The following CFAP161 variants were observed in gnomAD, a reference collection of about 807,000 sequenced individuals.
CFAP161 encodes the protein cilia- and flagella-associated protein 161.
A neutral mutation model predicts 29.0 loss-of-function variants in CFAP161; 25 were observed. The observed-to-expected ratio is 0.86, with a 90% CI of 0.63 to 1.20. The LOEUF is 1.20. Among genes scored for constraint, CFAP161 ranks in the 50% most tolerant of loss-of-function variants. The pLI, the probability that CFAP161 is intolerant of heterozygous loss-of-function variation, is 0.00. For synonymous variants in CFAP161, 116 were observed against 137.4 expected, an observed-to-expected ratio of 0.84 and a Z score of 1.09; for missense variants, 367 against 371.9, an observed-to-expected ratio of 0.99 and a Z score of 0.11.
chr15:81,132,617 A>G (rs376310546), upstream of CFAP161, among the ~76,000 whole-genome samples: 5 of 152,354 alleles, frequency 3.3e-5, no homozygotes, highest in Middle Eastern at 6.8e-3. Context: ...GAAATGTAAT[A>G]TACTTGTCAA....
chr15:81,107,858 A>G (rs1894392623), intron 1 of CFAP161, among the ~76,000 whole-genome samples: 1 of 152,340 alleles, frequency 6.6e-6, no homozygotes, highest in South Asian at 2.1e-4. Context: ...CACAAATGCT[A>G]TGAACACATG....
intron 1 of CFAP161, among the ~76,000 whole-genome samples, chr15:81,125,728 C>T (rs1369039849): frequency 6.6e-6 from 1 of 152,134 alleles, no homozygotes; most frequent in Non-Finnish European, 1.5e-5. Flanking sequence ...ACTATGTAAA[C>T]ACAGCATACA....
chr15:81,109,473 A>G (rs1894414470), intron 1 of CFAP161, among the ~76,000 whole-genome samples: 1 of 152,180 alleles, frequency 6.6e-6, no homozygotes, highest in South Asian at 2.1e-4. Context: ...AGTTTGTTCA[A>G]CTTTGCTTTT....
At chr15:81,128,200 T>C (rs1172802768) in intron 2 of CFAP161, among the ~76,000 whole-genome samples, 1 of 152,238 alleles carries the variant, frequency 6.6e-6, no homozygotes, top group Non-Finnish European at 1.5e-5. Flanking sequence ...GTCAGAATTA[T>C]CTTAACATTA....
At chr15:81,134,488 C>A in intron 1 of CFAP161, 90 bp downstream of exon 1, 2 of 1,279,084 alleles carry the variant, frequency 1.6e-6, no homozygotes, top group Non-Finnish European at 2.2e-6. Context: ...GCGCCTCAAG[C>A]CTCCTCTCTC....
chr15:81,122,357 AC>A (rs1894584632), intron 1 of CFAP161, among the ~76,000 whole-genome samples: 2 of 152,230 alleles, frequency 1.3e-5, no homozygotes, highest in East Asian at 3.9e-4. Context: ...CTTTTTCTCT[AC>A]AACCTCACCA....
intron 1 of CFAP161, among the ~76,000 whole-genome samples, chr15:81,112,690 A>T (rs1209861723): frequency 6.6e-6 from 1 of 152,150 alleles, no homozygotes; most frequent in African/African-American, 2.4e-5. Flanking sequence ...ACAAGTGCTT[A>T]TTACATTATT....
chr15:81,148,132 GA>G (rs1895041619), intron 6 of CFAP161, among the ~76,000 whole-genome samples: 1 of 152,220 alleles, frequency 6.6e-6, no homozygotes, highest in Non-Finnish European at 1.5e-5. Flanking sequence ...CCTACAAGAG[GA>G]CTTTGGTTCT....
At chr15:81,107,115 CAT>C (rs1894382168) in intron 1 of CFAP161, among the ~76,000 whole-genome samples, 2 of 152,292 alleles carry the variant, frequency 1.3e-5, no homozygotes, top group South Asian at 2.1e-4. Context: ...AACCTGCAAA[CAT>C]CTGCTGAATG....
intron 1 of CFAP161, among the ~76,000 whole-genome samples, chr15:81,103,855 G>C (rs560427842): frequency 2.2e-4 from 34 of 152,290 alleles, no homozygotes; most frequent in African/African-American, 7.7e-4. Context: ...ACTATCTCCG[G>C]ATAAATAGTG....
chr15:81,128,911 G>A (rs1354707930), intron 2 of CFAP161, among the ~76,000 whole-genome samples: 6 of 149,630 alleles, frequency 4.0e-5, no homozygotes, highest in South Asian at 4.3e-4. Flanking sequence ...CCAAGATCAC[G>A]CCACTGCACT....
intron 4 of CFAP161, among the ~76,000 whole-genome samples, chr15:81,139,828 C>G (rs527817311): frequency 3.7e-4 from 57 of 152,188 alleles, no homozygotes; most frequent in Non-Finnish European, 5.3e-4. Context: ...ATAAAGAGTT[C>G]TTTTTGTAAT....
intron 1 of CFAP161, among the ~76,000 whole-genome samples, chr15:81,115,956 T>C (rs1894492821): frequency 6.6e-6 from 1 of 151,750 alleles, no homozygotes; most frequent in South Asian, 2.1e-4. Flanking sequence ...AATCTAGGCT[T>C]AAAGACAATT....
intron 1 of CFAP161, among the ~76,000 whole-genome samples, chr15:81,111,490 C>G (rs1232841530): frequency 1.3e-5 from 2 of 152,232 alleles, no homozygotes; most frequent in African/African-American, 4.8e-5. Context: ...CCTACCCTGG[C>G]CTGTCTGCTT....
At position 81,103,294 on chromosome 15, in the gene CFAP161, A is replaced by G. The variant is rs1033353359; in HGVS notation, c.-141-24296A>G. 2.6e-5 allele frequency among the ~76,000 whole-genome samples: 4 copies of G among 152,184 alleles called. No homozygotes were observed. In the East Asian group the frequency reaches 5.8e-4, roughly 22 times the overall value. On this transcript the variant is annotated intron_variant, in intron 1 of 4. Transcript: ENST00000560091. ...ATAACACAAGTTACAGGCTTTTGTT[A>G]TAATGCTGGATGTGTTTGGCCTCAG...
intron 1 of CFAP161, among the ~76,000 whole-genome samples, chr15:81,120,000 T>C (rs1024094074): frequency 2.0e-5 from 3 of 152,212 alleles, no homozygotes; most frequent in African/African-American, 7.2e-5. Flanking sequence ...GAAAGTTGCA[T>C]GGATATTAAA....
chr15:81,116,313 A>G (rs965218932), intron 1 of CFAP161, among the ~76,000 whole-genome samples: 3 of 152,126 alleles, frequency 2.0e-5, no homozygotes, highest in Non-Finnish European at 4.4e-5. Context: ...AAATTTTTTG[A>G]GATGGATTCT....
chr15:81,104,361 G>C (rs1894337116), intron 1 of CFAP161, among the ~76,000 whole-genome samples: 1 of 152,232 alleles, frequency 6.6e-6, no homozygotes, highest in Non-Finnish European at 1.5e-5. Flanking sequence ...AGAAAGCTGT[G>C]ACAGTGAGCA....
At chr15:81,143,279 C>T (rs781638824) in intron 4 of CFAP161, among the ~76,000 whole-genome samples, 2 of 152,150 alleles carry the variant, frequency 1.3e-5, no homozygotes, top group East Asian at 3.9e-4. Flanking sequence ...CCACTGCGCT[C>T]CAGCCTGGGC....
Sources: allele counts gnomAD v4.1 joint callset (sites outside exome capture counted in the v4.1 genomes callset), GRCh38; gene constraint gnomAD v4.1.1; transcripts MANE v1.5; gene names NCBI Gene and HGNC (gene_info 2026-07-23, HGNC 2026-07-21).